The following ILDR2 variants were observed in gnomAD, a reference collection of about 807,000 sequenced individuals.
The protein encoded by ILDR2 is immunoglobulin-like domain-containing receptor 2.
Under a neutral mutation model 66.8 loss-of-function variants are expected in ILDR2, and 25 were observed. That is an observed-to-expected ratio of 0.37 (90% CI 0.27 to 0.52). ILDR2 has a LOEUF of 0.52. Ranked by LOEUF, ILDR2 falls within the 20% of genes least tolerant of loss-of-function variation. The pLI, the probability that ILDR2 is intolerant of heterozygous loss-of-function variation, is 0.88. For synonymous variants in ILDR2, 367 were observed against 357.2 expected (o/e 1.03, Z -0.31); for missense variants, 827 against 876.8 (o/e 0.94, Z 0.72).
rs528895026 is a variant in ILDR2, at chr1:166,896,503, A to T, written n.172-402T>A. Among the ~76,000 whole-genome samples, 4 of 150,568 alleles carry T rather than the reference A, an allele frequency of 2.7e-5. No homozygotes were observed. The South Asian group carries it at 8.4e-4, about 32-fold the overall frequency. ...TCTACAACTAAGCGGAAGAATTTTAATTTTTTTTAATTCTGTTCATGTAAA... is the reference window on the plus strand; with the variant it reads ...TCTACAACTAAGCGGAAGAATTTTATTTTTTTTTAATTCTGTTCATGTAAA... On this transcript the variant is annotated intron_variant and non_coding_transcript_variant, in intron 2 of 2. Transcript: ENST00000414590.
chr1:166,895,854 G>A (rs965256063), exon 3 of ILDR2: 1 of 152,156 alleles, frequency 6.6e-6, no homozygotes, highest in Non-Finnish European at 1.5e-5. Context: ...GGACAAAATT[G>A]TATAATCTAA....
rs1165855431 is a variant in ILDR2, at chr1:166,920,612, G to A, written c.1884+95C>T. On this transcript the variant is annotated intron_variant, in intron 9 of 9. Transcript: ENST00000271417. The stretch of plus-strand genomic sequence containing the variant: ...TCTCCGGCAAGGACCCTCCCGCCTC[G>A]CCACCTCCCCGGCCCCCAGACAGCG... The A allele has an allele frequency of 1.4e-5, 18 of 1,284,012 alleles. No homozygotes were observed. In the South Asian group the frequency reaches 2.5e-4, roughly 17 times the overall value. The allele number at this position is 1,284,012 out of a possible 1,614,324, so 79.5% of individuals were successfully genotyped here. A position where few individuals can be genotyped will look rare whatever the true frequency, so the allele number is the denominator to read the frequency against.
intron 2 of ILDR2, among the ~76,000 whole-genome samples, chr1:166,899,250 G>A (rs543232116): frequency 5.9e-4 from 89 of 151,886 alleles, no homozygotes; most frequent in African/African-American, 5.3e-4. Context: ...AAAATTGGCC[G>A]GGCATAGTGG....
At position 166,917,762 on chromosome 1, in the gene ILDR2, A is replaced by T. The variant is rs1659699857; in HGVS notation, c.*1593T>A. The T allele has an allele frequency of 6.6e-6, 1 of 152,230 alleles. No homozygotes were observed. The highest frequency in any genetic ancestry group is 2.4e-5 in the African/African-American group (1 of 41,456). The allele number at this position is 152,230 out of a possible 1,614,324, so 9.4% of individuals were successfully genotyped here. On this transcript the variant is annotated 3_prime_UTR_variant, in exon 10 of 10. Transcript: ENST00000271417. ...AAATTTGGGCTGGGTTCAGCTAGGC[A>T]GTTCTTCTATTGGTATCACCTGGAC...
In ILDR2 at chr1:166,920,751, T is replaced by C. The variant is rs748049348; in HGVS notation, c.1840A>G (p.Ser614Gly). 2 of 1,469,778 alleles carry C rather than the reference T, an allele frequency of 1.4e-6. No homozygotes were observed. The allele number at this position is 1,469,778 out of a possible 1,614,324, so 91.0% of individuals were successfully genotyped here. The change falls in exon 9 of 10, where the codon AGC becomes GGC. Residue 614 changes from serine to glycine, a missense_variant. By Grantham distance (56) the Ser-to-Gly change is moderately conservative. Around this residue, in one of 2 missense-constraint regions of ILDR2, gnomAD observed 390 missense variants for 353.6 expected, o/e 1.10. Transcript: ENST00000271417. ...SYRGRDLPYH[S>G]NSEKKRKKEP... is the part of the protein sequence containing the mutation. Reference sequence around the variant, plus strand: ...TTTTTCCTCTTCTTCTCCGAGTTGCTGTGGTAGGGCAGGTCGCGGCCGCGG... The same window carrying C: ...TTTTTCCTCTTCTTCTCCGAGTTGCCGTGGTAGGGCAGGTCGCGGCCGCGG...
Position 166,911,703 on chromosome 1 carries a change from A to G in ILDR2, c.*7652T>C, listed in dbSNP as rs75811635. ...GTCACAAGACAACAGGGACTATGTA[A>G]ATTTGAAAAAGAACTAAACTCCTAG... On this transcript the variant is annotated 3_prime_UTR_variant, in exon 10 of 10. Transcript: ENST00000271417. 7.2e-5 allele frequency: 11 copies of G among 152,110 alleles called. No homozygotes were observed. The East Asian group carries it at 2.1e-3, about 29-fold the overall frequency. 9.4% of individuals were successfully genotyped at this position (152,110 alleles called of 1,614,324 possible). A position where few individuals can be genotyped will look rare whatever the true frequency, so the allele number is the denominator to read the frequency against.
chr1:166,954,277 C>A (rs1248783463), intron 3 of ILDR2, among the ~76,000 whole-genome samples: 1 of 152,070 alleles, frequency 6.6e-6, no homozygotes, highest in African/African-American at 2.4e-5. Flanking sequence ...GAATACTTAA[C>A]AAATAGGCCA....
chr1:166,915,072 G>A lies in ILDR2; in HGVS notation c.*4283C>T, dbSNP rs918296668. 12 of 152,192 alleles carry A rather than the reference G, an allele frequency of 7.9e-5. No individual in the cohort carries two copies. Among genetic ancestry groups the A allele is most frequent in the African/African-American group, 2.9e-4 (12 of 41,436 alleles). The allele number at this position is 152,192 out of a possible 1,614,324, so 9.4% of individuals were successfully genotyped here. ...TTTGCTAAAAATATATCAAGAGAATGAGAAAATTACCTGTAATTCTTGTTG... is the reference window on the plus strand; with the variant it reads ...TTTGCTAAAAATATATCAAGAGAATAAGAAAATTACCTGTAATTCTTGTTG... On this transcript the variant is annotated 3_prime_UTR_variant, in exon 10 of 10. Coordinates refer to ENST00000271417, the MANE Select transcript of ILDR2 (RefSeq NM_199351.3).
intron 1 of ILDR2, among the ~76,000 whole-genome samples, chr1:166,973,625 C>G (rs999432116): frequency 1.5e-5 from 2 of 129,614 alleles, no homozygotes; most frequent in African/African-American, 5.5e-5. Context: ...CCCCCCCCCC[C>G]GATGCCTGGC....
At position 166,928,663 on chromosome 1, in the gene ILDR2, G is replaced by A. The variant is rs561957123; in HGVS notation, c.881-1483C>T. Among the ~76,000 whole-genome samples, 11 of 152,186 alleles carry A rather than the reference G, an allele frequency of 7.2e-5. No homozygotes were observed. In the South Asian group the frequency reaches 1.7e-3, roughly 23 times the overall value. ...CTGGCTGCGGACAAAACCCTCCCAC[G>A]CAAGCTATTTACATGGAAGATTAAA... On this transcript the variant is annotated intron_variant, in intron 6 of 9. Coordinates refer to ENST00000271417, the MANE Select transcript of ILDR2 (RefSeq NM_199351.3).
intron 4 of ILDR2, among the ~76,000 whole-genome samples, chr1:166,938,269 C>G (rs1300433150): frequency 6.6e-6 from 1 of 152,184 alleles, no homozygotes; most frequent in Admixed American, 6.5e-5. Flanking sequence ...GTGGCTACAA[C>G]TTGGGTCAAG....
intron 9 of ILDR2, 100 bp from the exon 10 acceptor site, chr1:166,919,490 G>T: frequency 9.5e-7 from 1 of 1,050,612 alleles, no homozygotes; most frequent in Non-Finnish European, 1.4e-6. Context: ...AACCCGTTCA[G>T]TGCCAGGCAC....
In ILDR2 at chr1:166,912,286, A is replaced by G. The variant is rs1427144124; in HGVS notation, c.*7069T>C. The G allele has an allele frequency of 3.3e-5, 5 of 152,208 alleles. No individual in the cohort carries two copies. The highest frequency in any genetic ancestry group is 1.2e-4 in the African/African-American group (5 of 41,470). 9.4% of individuals were successfully genotyped at this position (152,208 alleles called of 1,614,324 possible). A position where few individuals can be genotyped will look rare whatever the true frequency, so the allele number is the denominator to read the frequency against. Reference sequence around the variant, plus strand: ...TCAGTGAAATTATCTTTCAAGAACAAGAATGAAATAAAGACTTTTACATCA... The same window carrying G: ...TCAGTGAAATTATCTTTCAAGAACAGGAATGAAATAAAGACTTTTACATCA... On this transcript the variant is annotated 3_prime_UTR_variant, in exon 10 of 10. Coordinates refer to ENST00000271417, the MANE Select transcript of ILDR2 (RefSeq NM_199351.3).
chr1:166,942,422 T>C (rs988449259), intron 3 of ILDR2, among the ~76,000 whole-genome samples: 1 of 152,234 alleles, frequency 6.6e-6, no homozygotes, highest in Non-Finnish European at 1.5e-5. Context: ...TGTGGCCCCA[T>C]AGAAATGTGT....
At chr1:166,932,927 C>T (rs1660719984) in intron 6 of ILDR2, among the ~76,000 whole-genome samples, 2 of 152,212 alleles carry the variant, frequency 1.3e-5, no homozygotes, top group South Asian at 4.1e-4. Context: ...ACATGGAACA[C>T]TGGCATAAGC....
chr1:166,974,949 C>T (rs2102049223), intron 1 of ILDR2, among the ~76,000 whole-genome samples: 1 of 152,228 alleles, frequency 6.6e-6, no homozygotes, highest in African/African-American at 2.4e-5. Flanking sequence ...ACCTCAGCGC[C>T]AATGAGTCAA....
chr1:166,905,661 G>C (rs1659334032), downstream of ILDR2, among the ~76,000 whole-genome samples: 1 of 152,162 alleles, frequency 6.6e-6, no homozygotes, highest in African/African-American at 2.4e-5. Context: ...TCTAGAGCCT[G>C]GGAATAGTAA....
intron 1 of ILDR2, among the ~76,000 whole-genome samples, chr1:166,967,287 C>T (rs1468194091): frequency 6.6e-6 from 1 of 152,140 alleles, no homozygotes; most frequent in Non-Finnish European, 1.5e-5. Context: ...AGGCTTATCC[C>T]CACAGATTTG....
chr1:166,943,752 C>G lies in ILDR2; in HGVS notation c.500-4182G>C, dbSNP rs932491231. 27 of 877,942 alleles carry G rather than the reference C, an allele frequency of 3.1e-5. No homozygotes were observed. The African/African-American group carries it at 4.7e-4, about 15-fold the overall frequency. 54.4% of individuals were successfully genotyped at this position (877,942 alleles called of 1,614,324 possible). A position where few individuals can be genotyped will look rare whatever the true frequency, so the allele number is the denominator to read the frequency against. On this transcript the variant is annotated intron_variant, in intron 3 of 9. Transcript: ENST00000271417. ...CTAAACAATTGCAGTAAATACATTC[C>G]AGATTTCAGCAGCACTTTACCAACA...
Sources: allele counts gnomAD v4.1 joint callset (sites outside exome capture counted in the v4.1 genomes callset), GRCh38; gene constraint gnomAD v4.1.1; regional missense constraint gnomAD v4.1.1; transcripts MANE v1.5; gene names NCBI Gene and HGNC (gene_info 2026-07-23, HGNC 2026-07-21).